The following DOK1 variants were observed in gnomAD, a reference collection of about 807,000 sequenced individuals.
DOK1 encodes docking protein 1.
DOK1 carries 12 observed loss-of-function variants against 24.0 expected under a neutral mutation model. The ratio of observed to expected loss-of-function variants is 0.50; its 90% CI spans 0.32 to 0.81. DOK1 has a LOEUF of 0.81. Among genes scored for constraint, DOK1 ranks in the 30% least tolerant of loss-of-function variants. The pLI is 0.03. For missense variants in DOK1, 591 were observed against 620.7 expected (o/e 0.95, Z 0.51); for synonymous variants, 250 against 260.9 (o/e 0.96, Z 0.40).
chr2:74,557,259 A>G lies in DOK1; in HGVS notation c.*145A>G. 1 of 832,742 alleles carries G rather than the reference A, an allele frequency of 1.2e-6. No homozygotes were observed. The allele number at this position is 832,742 out of a possible 1,614,324, so 51.6% of individuals were successfully genotyped here. A position where few individuals can be genotyped will look rare whatever the true frequency, so the allele number is the denominator to read the frequency against. ...AGGGGACCAGAGGGATGGGAGAGTC[A>G]AGGGAAGGACAATCCCAGGAAGTCC... On this transcript the variant is annotated 3_prime_UTR_variant, in exon 5 of 5. Coordinates refer to ENST00000233668, the MANE Select transcript of DOK1 (RefSeq NM_001381.5).
In DOK1 at chr2:74,555,606, A is replaced by G; in HGVS notation, c.392A>G (p.Asn131Ser). 1 of 1,614,042 alleles carries G rather than the reference A, an allele frequency of 6.2e-7. No homozygotes were observed. Residue 131 changes from asparagine to serine, a missense_variant, in exon 3 of 5, where the codon AAC becomes AGC. Coordinates refer to ENST00000233668, the MANE Select transcript of DOK1 (RefSeq NM_001381.5). The surrounding 1 kb of genome is among the most constrained non-coding windows in gnomAD (Gnocchi z 6.1). ...AGCTGGACTCTGGCGCCTACCGATA[A>G]CCCACCTAAGCTTTCTGCCCTGGAG... Reference protein sequence around the residue: ...KGSWTLAPTDNPPKLSALEML... With the variant: ...KGSWTLAPTDSPPKLSALEML...
chr2:74,549,770 G>GT, upstream of DOK1: 3 of 1,428,678 alleles, frequency 2.1e-6, no homozygotes, highest in Admixed American at 8.7e-5. The surrounding 1 kb of genome is among the most constrained non-coding windows in gnomAD (Gnocchi z 5.3). Flanking sequence ...CCAGCAGCGC[G>GT]TGGGATGTGC....
chr2:74,554,572 C>G, upstream of DOK1: 1 of 620,190 alleles, frequency 1.6e-6, no homozygotes, highest in Non-Finnish European at 2.8e-6. This position sits in a 1 kb window ranked among gnomAD's most constrained non-coding sequence, Gnocchi z 4.9. Context: ...TGCTGCAGCT[C>G]CCGGCTAATC....
rs753672963 is a variant in DOK1, at chr2:74,556,879, C to A, written c.1211C>A (p.Pro404His). ...KEEGYELPYN[P>H]ATDDYAVPPP... is the part of the protein sequence containing the mutation. ...GAGGGCTATGAGCTCCCCTACAACCCTGCCACTGATGACTACGCTGTGCCA... is the reference window on the plus strand; with the variant it reads ...GAGGGCTATGAGCTCCCCTACAACCATGCCACTGATGACTACGCTGTGCCA... Residue 404 changes from proline (P) to histidine (H), a missense_variant, in exon 5 of 5, where the codon CCT (proline) becomes CAT (histidine). Transcript: ENST00000233668. This position sits in a 1 kb window ranked among gnomAD's most constrained non-coding sequence, Gnocchi z 4.1. 1 of 1,614,192 alleles carries A rather than the reference C, an allele frequency of 6.2e-7. No individual in the cohort carries two copies. Among genetic ancestry groups the A allele is most frequent in the South Asian group, 1.1e-5 (1 of 91,086 alleles).
chr2:74,554,619 C>A (rs921976495), upstream of DOK1: 2 of 775,712 alleles, frequency 2.6e-6, no homozygotes, highest in Non-Finnish European at 4.2e-6. The surrounding 1 kb of genome is among the most constrained non-coding windows in gnomAD (Gnocchi z 4.9). Context: ...TCCTCTCCCT[C>A]ACCCCACCGC....
upstream of DOK1, chr2:74,549,785 C>T: frequency 7.0e-7 from 1 of 1,421,860 alleles, no homozygotes; most frequent in Non-Finnish European, 9.2e-7. This position sits in a 1 kb window ranked among gnomAD's most constrained non-coding sequence, Gnocchi z 5.3. Flanking sequence ...ATGTGCTGTG[C>T]TCCCAGAGAG....
Position 74,555,383 on chromosome 2 carries a change from C to G in DOK1, c.290C>G (p.Ser97Trp). 6.2e-7 allele frequency: 1 copy of G among 1,612,890 alleles called. No homozygotes were observed. Among genetic ancestry groups the G allele is most frequent in the Non-Finnish European group, 8.5e-7 (1 of 1,179,754 alleles). ...TTCCGCCTGGACACTGCTCAGCGCT[C>G]GCACCTGCTGGCGGCCGACGCGCCG... ...TAFRLDTAQR[S>W]HLLAADAPSS... The change falls in exon 2 of 5, where the codon TCG becomes TGG. Residue 97 changes from serine to tryptophan, a missense_variant. Transcript: ENST00000233668. This position sits in a 1 kb window ranked among gnomAD's most constrained non-coding sequence, Gnocchi z 6.1.
chr2:74,552,247 C>A (rs1573030897), upstream of DOK1: 7 of 1,391,184 alleles, frequency 5.0e-6, no homozygotes, highest in East Asian at 1.6e-4. Context: ...ATGGCTGTGC[C>A]ATCCTCGTGT....
At position 74,555,283 on chromosome 2, in the gene DOK1, G is replaced by C; in HGVS notation, c.190G>C (p.Val64Leu). ...RGSSRRLDCK[V>L]IRLAECVSVA... is the part of the protein sequence containing the mutation. ...GAGCTCGCGCCGCCTGGACTGCAAAGTGATCCGTCTGGCTGAGTGTGTGAG... is the reference window on the plus strand; with the variant it reads ...GAGCTCGCGCCGCCTGGACTGCAAACTGATCCGTCTGGCTGAGTGTGTGAG... The change falls in exon 2 of 5, where the codon GTG becomes CTG. Residue 64 changes from valine (V) to leucine (L), a missense_variant. By Grantham distance (32) the Val-to-Leu change is conservative. Transcript: ENST00000233668. This position sits in a 1 kb window ranked among gnomAD's most constrained non-coding sequence, Gnocchi z 6.1. 2 of 1,614,140 alleles carry C rather than the reference G, an allele frequency of 1.2e-6. No homozygotes were observed. The highest frequency in any genetic ancestry group is 1.7e-6 in the Non-Finnish European group (2 of 1,180,014).
Position 74,555,206 on chromosome 2 carries a change from C to T in DOK1, c.113C>T (p.Ala38Val), listed in dbSNP as rs147810432. The change falls in exon 2 of 5, where the codon GCG (alanine) becomes GTG (valine). Residue 38 changes from alanine (A) to valine (V), a missense_variant. By Grantham distance (64) the Ala-to-Val change is moderately conservative. Transcript: ENST00000233668. This position sits in a 1 kb window ranked among gnomAD's most constrained non-coding sequence, Gnocchi z 6.1. ...TACCCGGCCAGTCCCCACGGCGTAG[C>T]GCGGCTCGAGTTCTTTGACCATAAG... is the stretch of plus-strand genomic sequence containing the variant. ...VLYPASPHGVARLEFFDHKGS... is the reference protein window; with the variant it reads ...VLYPASPHGVVRLEFFDHKGS... The T allele has an allele frequency of 1.2e-6, 2 of 1,613,548 alleles. No individual in the cohort carries two copies. Among genetic ancestry groups the T allele is most frequent in the South Asian group, 1.1e-5 (1 of 91,074 alleles).
rs369803198 is a variant in DOK1 at position 74,555,137 on chromosome 2, T to A, written c.61-17T>A. On this transcript the variant is annotated splice_polypyrimidine_tract_variant and intron_variant, in intron 1 of 4. Coordinates refer to ENST00000233668, the MANE Select transcript of DOK1 (RefSeq NM_001381.5). This position sits in a 1 kb window ranked among gnomAD's most constrained non-coding sequence, Gnocchi z 6.1. ...GCGCACGCCACTCCCTCTCGAGCAC[T>A]CTCTCTCTCTCCCTAGAGGTGGAGG... 1.9e-6 allele frequency: 3 copies of A among 1,560,316 alleles called. No individual in the cohort carries two copies. Among genetic ancestry groups the A allele is most frequent in the African/African-American group, 2.7e-5 (2 of 73,790 alleles).
chr2:74,557,313 G>A lies in DOK1; in HGVS notation c.*199G>A, dbSNP rs1677554619. On this transcript the variant is annotated 3_prime_UTR_variant, in exon 5 of 5. Transcript: ENST00000233668. ...GAAGTGGGGCAGATGGCAGGGCTGA[G>A]GATGGGCTCTGCATCCCCCAAAGCC... The A allele has an allele frequency of 1.0e-5, 6 of 574,382 alleles. No individual in the cohort carries two copies. In the South Asian group the frequency reaches 1.2e-4, roughly 12 times the overall value. 35.6% of individuals were successfully genotyped at this position (574,382 alleles called of 1,614,324 possible).
At chr2:74,554,617 C>G, upstream of DOK1, 2 of 770,440 alleles carry the variant, frequency 2.6e-6, no homozygotes, top group Non-Finnish European at 4.2e-6. The surrounding 1 kb of genome is among the most constrained non-coding windows in gnomAD (Gnocchi z 4.9). Flanking sequence ...GCTCCTCTCC[C>G]TCACCCCACC....
upstream of DOK1, chr2:74,550,148 T>C: frequency 1.9e-6 from 3 of 1,595,648 alleles, no homozygotes; most frequent in Non-Finnish European, 2.6e-6. Context: ...TCGGCTATCC[T>C]GGGTAGTGTG....
At position 74,549,438 on chromosome 2, in the gene DOK1, TG is replaced by T. The variant is rs1676847157; in HGVS notation, c.-358+269del. ...CATCCCGCAGACCACGTGGCTGTTG[TG>T]GGCGCTCCAGCCTTTGTCGCACACT... is the stretch of plus-strand genomic sequence containing the variant. On this transcript the variant is annotated intron_variant, in intron 1 of 4. Transcript: ENST00000409429. The surrounding 1 kb of genome is among the most constrained non-coding windows in gnomAD (Gnocchi z 5.3). 6.2e-7 allele frequency: 1 copy of T among 1,613,260 alleles called. No individual in the cohort carries two copies. The highest frequency in any genetic ancestry group is 8.5e-7 in the Non-Finnish European group (1 of 1,179,692).
At chr2:74,554,662 GA>G (rs1558634583), upstream of DOK1, 1 of 1,311,896 alleles carries the variant, frequency 7.6e-7, no homozygotes, top group Non-Finnish European at 1.1e-6. This position sits in a 1 kb window ranked among gnomAD's most constrained non-coding sequence, Gnocchi z 4.9. Context: ...GGGGGCCGGG[GA>G]GGGGCGGAAA....
rs775106963 is a variant in DOK1 at position 74,554,861 on chromosome 2, TGA to T, written c.60+53_60+54del. 4.3e-6 allele frequency: 7 copies of T among 1,609,362 alleles called. No homozygotes were observed. The Admixed American group carries it at 8.4e-5, about 19-fold the overall frequency. On this transcript the variant is annotated intron_variant, in intron 1 of 4. Transcript: ENST00000233668. The surrounding 1 kb of genome is among the most constrained non-coding windows in gnomAD (Gnocchi z 4.9). Reference sequence around the variant, plus strand: ...GAACCTTATCCGGGCTAGTAGTGGGTGAGAGAGCCCAGAAACAGGGAGAGGTG... The same window carrying T: ...GAACCTTATCCGGGCTAGTAGTGGGTGAGAGCCCAGAAACAGGGAGAGGTG...
chr2:74,550,561 A>G (rs769762071), upstream of DOK1, among the ~76,000 whole-genome samples: 23 of 152,154 alleles, frequency 1.5e-4, no homozygotes, highest in Admixed American at 9.2e-4. Context: ...ATCTGGGGAT[A>G]CTCAAGAACC....
chr2:74,556,191 G>A lies in DOK1; in HGVS notation c.639+113G>A. 6.5e-7 allele frequency: 1 copy of A among 1,530,944 alleles called. No homozygotes were observed. Among genetic ancestry groups the A allele is most frequent in the Non-Finnish European group, 8.8e-7 (1 of 1,138,282 alleles). The allele number at this position is 1,530,944 out of a possible 1,614,324, so 94.8% of individuals were successfully genotyped here. On this transcript the variant is annotated intron_variant, in intron 4 of 4. Coordinates refer to ENST00000233668, the MANE Select transcript of DOK1 (RefSeq NM_001381.5). The surrounding 1 kb of genome is among the most constrained non-coding windows in gnomAD (Gnocchi z 4.1). Reference sequence around the variant, plus strand: ...GATCCCCCTTTCTTGCCTACCCGGTGACCCCGCGTCTGTTCGCAGGTGGTC... The same window carrying A: ...GATCCCCCTTTCTTGCCTACCCGGTAACCCCGCGTCTGTTCGCAGGTGGTC...
Sources: gnomAD v4.1 joint callset for allele counts (sites outside exome capture counted in the v4.1 genomes callset) on GRCh38, gnomAD v4.1.1 for gene constraint, Gnocchi (gnomAD v3.1) non-coding constraint, MANE v1.5 for transcripts, NCBI Gene and HGNC (gene_info 2026-07-23, HGNC 2026-07-21) for gene names.